The following PSPH variants were observed in gnomAD, a reference collection of about 807,000 sequenced individuals.
PSPH encodes the protein phosphoserine phosphatase, also known as L-3-phosphoserine phosphatase.
PSPH carries 16 observed loss-of-function variants against 23.4 expected under a neutral mutation model. That is an observed-to-expected ratio of 0.68 (90% CI 0.46 to 1.04). The LOEUF is 1.04. PSPH is among the 50% of genes least tolerant of loss of function. The pLI is 0.00. For missense variants in PSPH, 223 were observed against 273.7 expected (o/e 0.81, Z 1.31); for synonymous variants, 68 against 99.7 (o/e 0.68, Z 1.89).
In PSPH at chr7:56,021,234, A is replaced by C; in HGVS notation, c.-19-3T>G. ...CCATCGCTGGAAGAATTTTCCTCCT[A>C]CAAGAAAAAAGATAAATGTATTTAA... On this transcript the variant is annotated splice_polypyrimidine_tract_variant and splice_region_variant and intron_variant, in intron 3 of 7. Coordinates refer to ENST00000275605, the MANE Select transcript of PSPH (RefSeq NM_004577.4). The C allele has an allele frequency of 6.2e-7, 1 of 1,612,022 alleles. No homozygotes were observed. The highest frequency in any genetic ancestry group is 8.5e-7 in the Non-Finnish European group (1 of 1,178,668).
chr7:56,011,890 G>C (rs201078188), intron 7 of PSPH, 21 bp from the exon 8 acceptor site: 536 of 1,556,628 alleles, frequency 3.4e-4, no homozygotes, highest in South Asian at 9.9e-4. Flanking sequence ...AGAAAAGAGA[G>C]AGAAATGATT....
chr7:56,031,180 C>T (rs1005179702), intron 3 of PSPH, among the ~76,000 whole-genome samples: 1 of 149,908 alleles, frequency 6.7e-6, no homozygotes, highest in African/African-American at 2.5e-5. Flanking sequence ...CACTGCAGTC[C>T]GCAGTCTGGC....
intron 5 of PSPH, 126 bp downstream of exon 5, chr7:56,019,474 A>T: frequency 2.4e-6 from 3 of 1,235,898 alleles, no homozygotes; most frequent in Non-Finnish European, 3.3e-6. Flanking sequence ...TTAAAAAATT[A>T]AAAAATGAAA....
chr7:56,030,465 A>T (rs1790817324), intron 3 of PSPH, among the ~76,000 whole-genome samples: 1 of 152,090 alleles, frequency 6.6e-6, no homozygotes. Context: ...GAATGAAAAC[A>T]TGTCCTTTGC....
intron 3 of PSPH, among the ~76,000 whole-genome samples, chr7:56,024,058 G>A (rs1172786477): frequency 1.3e-5 from 2 of 151,924 alleles, no homozygotes; most frequent in Admixed American, 6.6e-5. Context: ...TCTCTAAGTA[G>A]CTGGGACTAC....
intron 1 of PSPH, among the ~76,000 whole-genome samples, chr7:56,050,727 T>C (rs928295319): frequency 2.0e-5 from 3 of 152,252 alleles, no homozygotes; most frequent in African/African-American, 7.2e-5. Flanking sequence ...TATTCATATG[T>C]AAGTTTATAA....
chr7:56,030,816 T>C (rs1221402161), intron 3 of PSPH, among the ~76,000 whole-genome samples: 6 of 151,572 alleles, frequency 4.0e-5, no homozygotes, highest in Non-Finnish European at 8.8e-5. Context: ...GGAGAATCAC[T>C]TGAACCTTGG....
intron 7 of PSPH, among the ~76,000 whole-genome samples, chr7:56,013,201 A>AGC (rs1562780534): frequency 6.6e-6 from 1 of 150,936 alleles, no homozygotes; most frequent in Non-Finnish European, 1.5e-5. Flanking sequence ...ACATATATAT[A>AGC]GCATTGATTT....
At chr7:56,042,597 G>C (rs1584501809) in intron 1 of PSPH, among the ~76,000 whole-genome samples, 2 of 151,082 alleles carry the variant, frequency 1.3e-5, no homozygotes, top group Non-Finnish European at 1.5e-5. Flanking sequence ...GCTGCAGTGA[G>C]ACATGTTCGT....
intron 1 of PSPH, among the ~76,000 whole-genome samples, chr7:56,048,735 A>G (rs977856468): frequency 4.0e-5 from 6 of 150,130 alleles, no homozygotes; most frequent in African/African-American, 1.2e-4. Flanking sequence ...CCTGGGTTCA[A>G]GCAATTCCAC....
chr7:56,047,056 A>G (rs550615541), intron 1 of PSPH, among the ~76,000 whole-genome samples: 1 of 152,270 alleles, frequency 6.6e-6, no homozygotes, highest in East Asian at 1.9e-4. Flanking sequence ...AGGACTTTCA[A>G]TACAAAGATC....
chr7:56,011,769 T>C lies in PSPH; in HGVS notation c.671A>G (p.Glu224Gly). The C allele has an allele frequency of 6.2e-7, 1 of 1,610,354 alleles. No individual in the cohort carries two copies. The highest frequency in any genetic ancestry group is 8.5e-7 in the Non-Finnish European group (1 of 1,176,660). Residue 224 changes from glutamate to glycine, a missense_variant, in exon 8 of 8, where the codon GAA (glutamate) becomes GGA (glycine). Glu to Gly is a moderately conservative substitution (Grantham distance 98, BLOSUM62 -2). Coordinates refer to ENST00000275605, the MANE Select transcript of PSPH (RefSeq NM_004577.4). ...TDFVELLGEL[E>G]E is the part of the protein sequence containing the mutation. Reference sequence around the variant, plus strand: ...GCTGTACGACAATGGATGTTATTCTTCCAGTTCTCCCAGCAGCTCTACAAA... The same window carrying C: ...GCTGTACGACAATGGATGTTATTCTCCCAGTTCTCCCAGCAGCTCTACAAA...
At position 56,019,588 on chromosome 7, in the gene PSPH, G is replaced by C. The variant is rs764393483; in HGVS notation, c.275+12C>G. The C allele has an allele frequency of 1.9e-6, 3 of 1,613,196 alleles. No individual in the cohort carries two copies. The highest frequency in any genetic ancestry group is 2.5e-6 in the Non-Finnish European group (3 of 1,179,782). On this transcript the variant is annotated intron_variant, in intron 5 of 7. Coordinates refer to ENST00000275605, the MANE Select transcript of PSPH (RefSeq NM_004577.4). ...GGTGCTGAAATACACCTGGAGCCGG[G>C]GTTCCTCTTACCTTATGCCGGGGGT...
At chr7:56,050,546 G>A (rs1454716102) in intron 1 of PSPH, among the ~76,000 whole-genome samples, 3 of 152,146 alleles carry the variant, frequency 2.0e-5, no homozygotes, top group African/African-American at 4.8e-5. Flanking sequence ...GATTACAGGC[G>A]TGAGCCACCC....
intron 3 of PSPH, among the ~76,000 whole-genome samples, chr7:56,027,597 G>A (rs1790381629): frequency 6.7e-6 from 1 of 150,002 alleles, no homozygotes; most frequent in African/African-American, 2.5e-5. Context: ...TGAGGCAGGA[G>A]AATTGCTTGA....
chr7:56,015,305 C>G (rs1402158660), intron 6 of PSPH, 134 bp from the exon 7 acceptor site: 12 of 889,716 alleles, frequency 1.3e-5, no homozygotes, highest in Non-Finnish European at 2.2e-5. Context: ...GTCACACAGC[C>G]TGGAGCTCCA....
intron 3 of PSPH, among the ~76,000 whole-genome samples, chr7:56,029,311 C>T (rs952626749): frequency 6.6e-5 from 10 of 151,932 alleles, no homozygotes; most frequent in Admixed American, 2.6e-4. Flanking sequence ...TTGGCTCTAA[C>T]AGGGAGGGAG....
At chr7:56,032,608 TGA>T (rs1791166772) in intron 2 of PSPH, among the ~76,000 whole-genome samples, 1 of 142,758 alleles carries the variant, frequency 7.0e-6, no homozygotes, top group Non-Finnish European at 1.5e-5. Context: ...TGCAGTGAGC[TGA>T]GATCGTGCCA....
At chr7:56,018,584 T>G (rs1183152160) in intron 5 of PSPH, among the ~76,000 whole-genome samples, 1 of 151,994 alleles carries the variant, frequency 6.6e-6, no homozygotes, top group Non-Finnish European at 1.5e-5. Context: ...ATCCAGCAGT[T>G]TGGGAGGCCA....
Sources: allele counts gnomAD v4.1 joint callset (sites outside exome capture counted in the v4.1 genomes callset), GRCh38; gene constraint gnomAD v4.1.1; transcripts MANE v1.5; gene names NCBI Gene and HGNC (gene_info 2026-07-23, HGNC 2026-07-21).